DMXL2: variants seen among roughly 807,000 people sequenced by gnomAD.
DMXL2 encodes dmX-like protein 2.
DMXL2 carries 103 observed loss-of-function variants against 331.1 expected under a neutral mutation model. The observed-to-expected ratio is 0.31, with a 90% confidence interval of 0.27 to 0.37. The LOEUF (loss-of-function observed/expected upper bound fraction) is 0.37. Among genes scored for constraint, DMXL2 ranks in the 10% least tolerant of loss-of-function variants. The pLI is 1.00. For missense variants in DMXL2, 3,171 were observed against 3,642.9 expected (o/e 0.87, Z 3.33); for synonymous variants, 1,281 against 1,252.1 (o/e 1.02, Z -0.49).
Position 51,536,223 on chromosome 15 carries a change from T to C in DMXL2, c.2257A>G (p.Thr753Ala). The C allele has an allele frequency of 6.2e-7, 1 of 1,613,032 alleles. No homozygotes were observed. The highest frequency in any genetic ancestry group is 8.5e-7 in the Non-Finnish European group (1 of 1,179,512). The change falls in exon 12 of 44, where the codon ACC becomes GCC. Residue 753 changes from threonine to alanine, a missense_variant. By Grantham distance (58) the Thr-to-Ala change is moderately conservative. This residue lies in a region of DMXL2 where 1,674 missense variants were observed against 1,780.2 expected (regional missense o/e 0.94). Coordinates refer to ENST00000560891, the MANE Select transcript of DMXL2 (RefSeq NM_001378457.1). ...CAAGCCACATTAGAGAACGCTGAGG[T>C]ATGTAAAGAGTTAATTCGAGCCAAT... ...SELARINSLH[T>A]SAFSNVAWLP...
chr15:51,576,895 T>C (rs887670348), intron 1 of DMXL2, among the ~76,000 whole-genome samples: 4 of 152,186 alleles, frequency 2.6e-5, no homozygotes, highest in Non-Finnish European at 4.4e-5. Flanking sequence ...TACCACTATA[T>C]GATCTTGAAA....
chr15:51,490,568 T>C (rs1253070526), intron 20 of DMXL2, among the ~76,000 whole-genome samples: 1 of 152,202 alleles, frequency 6.6e-6, no homozygotes, highest in Non-Finnish European at 1.5e-5. Flanking sequence ...ATCTAACATT[T>C]ATAAATGACT....
At chr15:51,504,695 A>C (rs948754396) in intron 16 of DMXL2, among the ~76,000 whole-genome samples, 2 of 152,120 alleles carry the variant, frequency 1.3e-5, no homozygotes, top group African/African-American at 4.8e-5. Context: ...ATATTTTCAC[A>C]TTTTTTTGTA....
chr15:51,597,788 C>T (rs2052934119), intron 1 of DMXL2, among the ~76,000 whole-genome samples: 1 of 152,154 alleles, frequency 6.6e-6, no homozygotes, highest in African/African-American at 2.4e-5. Flanking sequence ...ACTGGACATC[C>T]TTGCCATCAC....
Position 51,564,300 on chromosome 15 carries a change from A to C in DMXL2, c.365-40T>G, listed in dbSNP as rs376365782. On this transcript the variant is annotated intron_variant, in intron 4 of 43. Coordinates refer to ENST00000560891, the MANE Select transcript of DMXL2 (RefSeq NM_001378457.1). ...ATGTTATGATGAATATGCAAATATT[A>C]TATAGGGAAATAAATGCACATGGGC... 28 of 1,435,142 alleles carry C rather than the reference A, an allele frequency of 2.0e-5. No individual in the cohort carries two copies. In the African/African-American group the frequency reaches 3.8e-4, roughly 20 times the overall value. The allele number at this position is 1,435,142 out of a possible 1,614,324, so 88.9% of individuals were successfully genotyped here. A position where few individuals can be genotyped will look rare whatever the true frequency, so the allele number is the denominator to read the frequency against.
intron 27 of DMXL2, 138 bp from the exon 28 acceptor site, chr15:51,474,730 C>G (rs1595935473): frequency 3.2e-6 from 3 of 931,276 alleles, no homozygotes; most frequent in Non-Finnish European, 4.6e-6. Flanking sequence ...ACAAAATAAA[C>G]AAGATAGGAA....
chr15:51,477,578 T>C (rs2041686981), intron 26 of DMXL2, among the ~76,000 whole-genome samples: 1 of 152,042 alleles, frequency 6.6e-6, no homozygotes, highest in African/African-American at 2.4e-5. Flanking sequence ...GCTGCTACCA[T>C]TACAAGAAAG....
In DMXL2 at chr15:51,502,231, T is replaced by TAA. The variant is rs531734454; in HGVS notation, c.2992+573_2992+574dup. ...CTGGGCGACAGAGTGAGACTCCGTC[T>TAA]AAAAAAAAAAAAAAAAAAAATTTAC... On this transcript the variant is annotated intron_variant, in intron 17 of 43. Transcript: ENST00000560891. Among the ~76,000 whole-genome samples, 636 of 114,748 alleles carry TAA rather than the reference T, an allele frequency of 5.5e-3. 9 individuals carry two copies. The highest frequency in any genetic ancestry group is 7.6e-3 in the South Asian group (26 of 3,438). The allele number at this position is 114,748 out of a possible 152,430, so 75.3% of individuals were successfully genotyped here.
chr15:51,541,652 T>C (rs1263968641), intron 9 of DMXL2, among the ~76,000 whole-genome samples: 2 of 152,160 alleles, frequency 1.3e-5, no homozygotes, highest in Admixed American at 6.5e-5. Flanking sequence ...AGACCTCCAG[T>C]TCAATAACAT....
intron 1 of DMXL2, among the ~76,000 whole-genome samples, chr15:51,599,946 G>A (rs1034852203): frequency 1.3e-5 from 2 of 151,856 alleles, no homozygotes; most frequent in African/African-American, 4.8e-5. Flanking sequence ...TGATCTGCCC[G>A]CCTCAGCCTC....
intron 23 of DMXL2, among the ~76,000 whole-genome samples, chr15:51,483,800 G>T (rs1213915228): frequency 4.0e-5 from 6 of 151,886 alleles, no homozygotes; most frequent in Non-Finnish European, 8.8e-5. Context: ...GGCCCTGTGG[G>T]CTATCCCTGG....
intron 13 of DMXL2, among the ~76,000 whole-genome samples, chr15:51,533,247 T>C (rs1032878337): frequency 2.0e-5 from 3 of 152,118 alleles, no homozygotes; most frequent in Non-Finnish European, 2.9e-5. Context: ...GGTCTTGAAC[T>C]CATGGGGTCA....
intron 13 of DMXL2, among the ~76,000 whole-genome samples, chr15:51,527,704 A>G (rs537204817): frequency 6.6e-6 from 1 of 152,052 alleles, no homozygotes; most frequent in African/African-American, 2.4e-5. Context: ...CCTGGGTGAA[A>G]GAGCGAGATT....
chr15:51,495,009 C>G lies in DMXL2; in HGVS notation c.4783+15G>C. On this transcript the variant is annotated intron_variant, in intron 19 of 43. Coordinates refer to ENST00000560891, the MANE Select transcript of DMXL2 (RefSeq NM_001378457.1). ...AGTAAAAGTTGTGCAAAGCTTCAAA[C>G]AGTGAGTGAATTACCTTGATGAAGT... The G allele has an allele frequency of 6.3e-7, 1 of 1,587,868 alleles. No individual in the cohort carries two copies. Among genetic ancestry groups the G allele is most frequent in the Non-Finnish European group, 8.6e-7 (1 of 1,157,782 alleles).
At position 51,457,680 on chromosome 15, in the gene DMXL2, G is replaced by C. The variant is rs902474340; in HGVS notation, c.8199-214C>G. Reference sequence around the variant, plus strand: ...TGTAAATTTAGTCTAATGTTGTTTGGGGACAACTTTATTGCTGCACAAGTT... The same window carrying C: ...TGTAAATTTAGTCTAATGTTGTTTGCGGACAACTTTATTGCTGCACAAGTT... On this transcript the variant is annotated intron_variant, in intron 36 of 43. Coordinates refer to ENST00000560891, the MANE Select transcript of DMXL2 (RefSeq NM_001378457.1). 4 of 478,168 alleles carry C rather than the reference G, an allele frequency of 8.4e-6. No homozygotes were observed. The Admixed American group carries it at 1.1e-4, about 14-fold the overall frequency. The allele number at this position is 478,168 out of a possible 1,614,324, so 29.6% of individuals were successfully genotyped here.
chr15:51,521,254 A>G (rs1253082103), intron 13 of DMXL2, among the ~76,000 whole-genome samples: 1 of 152,114 alleles, frequency 6.6e-6, no homozygotes, highest in Non-Finnish European at 1.5e-5. Flanking sequence ...CTAAACTGGG[A>G]CAAGTAATTA....
intron 19 of DMXL2, among the ~76,000 whole-genome samples, chr15:51,494,656 G>C (rs2043044959): frequency 1.3e-5 from 2 of 152,092 alleles, no homozygotes; most frequent in Admixed American, 1.3e-4. Context: ...TTACATTAAA[G>C]TAAATATAAA....
At chr15:51,578,760 G>A (rs1198279844) in intron 1 of DMXL2, among the ~76,000 whole-genome samples, 4 of 152,160 alleles carry the variant, frequency 2.6e-5, no homozygotes, top group African/African-American at 9.7e-5. Context: ...ACTCATCAGT[G>A]AGGAGTAGTT....
At chr15:51,541,906 T>C (rs1046085056) in intron 9 of DMXL2, among the ~76,000 whole-genome samples, 3 of 152,120 alleles carry the variant, frequency 2.0e-5, no homozygotes, top group African/African-American at 7.2e-5. Context: ...GACAAGAAAG[T>C]CTACAAGGGT....
Sources: allele counts gnomAD v4.1 joint callset (sites outside exome capture counted in the v4.1 genomes callset), GRCh38; gene constraint gnomAD v4.1.1; regional missense constraint gnomAD v4.1.1; transcripts MANE v1.5; gene names NCBI Gene and HGNC (gene_info 2026-07-23, HGNC 2026-07-21).